The following DPP6 variants were observed in gnomAD, a reference collection of about 807,000 sequenced individuals.
The protein encoded by DPP6 is A-type potassium channel modulatory protein DPP6.
DPP6 carries 69 observed loss-of-function variants against 122.6 expected under a neutral mutation model. The observed-to-expected ratio is 0.56, with a 90% CI of 0.46 to 0.69. DPP6 has a LOEUF of 0.69. Among genes scored for constraint, DPP6 ranks in the 30% least tolerant of loss-of-function variants. The pLI, the probability that DPP6 is intolerant of heterozygous loss-of-function variation, is 0.00. For missense variants in DPP6, 928 were observed against 1,116.9 expected (o/e 0.83, Z 2.41); for synonymous variants, 418 against 433.1 (o/e 0.97, Z 0.43).
At chr7:154,778,996 CA>C (rs1796796991) in intron 10 of DPP6, among the ~76,000 whole-genome samples, 5 of 77,004 alleles carry the variant, frequency 6.5e-5, no homozygotes, top group South Asian at 4.8e-4. Context: ...ATCACCTCCA[CA>C]ACCTCCACCA....
intron 1 of DPP6, among the ~76,000 whole-genome samples, chr7:154,006,338 G>A (rs949555939): frequency 7.2e-5 from 11 of 151,774 alleles, no homozygotes; most frequent in African/African-American, 2.4e-4. Flanking sequence ...CTATCTGCTC[G>A]CATTGAGATG....
Position 154,883,349 on chromosome 7 carries a change from TAC to T in DPP6, c.2134-2276_2134-2275del, listed in dbSNP as rs1307809851. Among the ~76,000 whole-genome samples, 45 of 109,928 alleles carry T rather than the reference TAC, an allele frequency of 4.1e-4. 1 individual carries two copies. Among genetic ancestry groups the T allele is most frequent in the African/African-American group, 1.5e-3 (43 of 27,902 alleles). 72.1% of individuals were successfully genotyped at this position (109,928 alleles called of 152,430 possible). ...ACACATGGTGTCACACACACGCTCA[TAC>T]ACACACATGCTCACACACACGATTA... is the stretch of plus-strand genomic sequence containing the variant. On this transcript the variant is annotated intron_variant, in intron 21 of 25. Coordinates refer to ENST00000377770, the MANE Select transcript of DPP6 (RefSeq NM_130797.4).
chr7:154,476,719 C>A (rs1029317142), intron 3 of DPP6, among the ~76,000 whole-genome samples: 7 of 152,196 alleles, frequency 4.6e-5, no homozygotes, highest in Non-Finnish European at 2.9e-5. Context: ...TTGCTAAACC[C>A]TGGTTGGGGG....
In DPP6 at chr7:154,821,677, TACAC is replaced by T. The variant is rs57452803; in HGVS notation, c.1666+14571_1666+14574del. 0.02 allele frequency among the ~76,000 whole-genome samples: 2,703 copies of T among 133,684 alleles called. 92 individuals are homozygous for T. The highest frequency in any genetic ancestry group is 0.076 in the African/African-American group (2,555 of 33,448). 87.7% of individuals were successfully genotyped at this position (133,684 alleles called of 152,430 possible). A position where few individuals can be genotyped will look rare whatever the true frequency, so the allele number is the denominator to read the frequency against. On this transcript the variant is annotated intron_variant, in intron 16 of 25. Transcript: ENST00000377770. This position sits in a 1 kb window ranked among gnomAD's most constrained non-coding sequence, Gnocchi z 4.2. ...ATATATATATATACACATATATATATACACACACATATATATATACACACACACA... is the reference window on the plus strand; with the variant it reads ...ATATATATATATACACATATATATATACACATATATATATACACACACACA...
chr7:154,643,559 C>A (rs549626871), intron 6 of DPP6, among the ~76,000 whole-genome samples: 1 of 151,828 alleles, frequency 6.6e-6, no homozygotes, highest in African/African-American at 2.4e-5. Flanking sequence ...ACCTCCGCCC[C>A]CCAGGTTCAA....
At chr7:154,355,839 A>G (rs1811230123) in intron 1 of DPP6, among the ~76,000 whole-genome samples, 1 of 152,186 alleles carries the variant, frequency 6.6e-6, no homozygotes, top group Non-Finnish European at 1.5e-5. Flanking sequence ...TTTCATTAAA[A>G]TTTTAGAATC....
At chr7:154,829,908 T>C (rs1239172274) in intron 16 of DPP6, among the ~76,000 whole-genome samples, 1 of 152,186 alleles carries the variant, frequency 6.6e-6, no homozygotes, top group African/African-American at 2.4e-5. Context: ...CCTGTGATGC[T>C]GGTGCACAGA....
the DPP6 span, among the ~76,000 whole-genome samples, chr7:153,850,789 T>C: frequency 6.6e-6 from 1 of 152,098 alleles, no homozygotes; most frequent in African/African-American, 2.4e-5. Flanking sequence ...AAGAAGAGTA[T>C]GGGGGAAACT....
At chr7:153,837,101 G>C in the DPP6 span, among the ~76,000 whole-genome samples, 1 of 152,180 alleles carries the variant, frequency 6.6e-6, no homozygotes, top group Non-Finnish European at 1.5e-5. Flanking sequence ...GGGATTCATA[G>C]AGTTTCTTTT....
At chr7:154,133,161 A>G (rs1235966613) in intron 1 of DPP6, among the ~76,000 whole-genome samples, 1 of 152,218 alleles carries the variant, frequency 6.6e-6, no homozygotes, top group Non-Finnish European at 1.5e-5. Context: ...AAAATAAGTC[A>G]TGTTATTATA....
At chr7:153,750,349 T>C in the DPP6 span, among the ~76,000 whole-genome samples, 2 of 149,324 alleles carry the variant, frequency 1.3e-5, no homozygotes, top group Admixed American at 1.3e-4. Context: ...AAATGTATTT[T>C]AATACAGAGT....
At chr7:153,942,658 C>T (rs1470698257) in intron 1 of DPP6, among the ~76,000 whole-genome samples, 1 of 152,190 alleles carries the variant, frequency 6.6e-6, no homozygotes, top group Non-Finnish European at 1.5e-5. Context: ...ACATCTAGGC[C>T]TGTCTGTGTG....
chr7:154,709,891 A>G (rs1422643025), intron 7 of DPP6, among the ~76,000 whole-genome samples: 1 of 152,198 alleles, frequency 6.6e-6, no homozygotes, highest in Non-Finnish European at 1.5e-5. Context: ...AGGTTGGCCT[A>G]TGTCAGGGGC....
At chr7:154,565,457 C>T (rs186871762) in intron 4 of DPP6, among the ~76,000 whole-genome samples, 1 of 152,304 alleles carries the variant, frequency 6.6e-6, no homozygotes, top group Non-Finnish European at 1.5e-5. Context: ...AACCCAAGTC[C>T]TTGGAGTCAT....
At chr7:153,944,691 C>G (rs1585069104) in intron 1 of DPP6, among the ~76,000 whole-genome samples, 1 of 60,782 alleles carries the variant, frequency 1.6e-5, no homozygotes, top group Non-Finnish European at 3.4e-5. Flanking sequence ...TTTTTTGAGA[C>G]AGAATTTCGG....
the DPP6 span, among the ~76,000 whole-genome samples, chr7:153,843,194 A>G: frequency 6.6e-6 from 1 of 151,226 alleles, no homozygotes; most frequent in South Asian, 2.1e-4. Flanking sequence ...ACACGCGTGC[A>G]TACACACACG....
intron 2 of DPP6, among the ~76,000 whole-genome samples, chr7:154,447,657 T>C (rs1352081136): frequency 1.3e-5 from 2 of 151,870 alleles, no homozygotes; most frequent in Non-Finnish European, 2.9e-5. Flanking sequence ...CTTATGAAAA[T>C]AGATATAAAA....
chr7:154,079,616 T>C (rs1803845578), intron 1 of DPP6, among the ~76,000 whole-genome samples: 1 of 151,998 alleles, frequency 6.6e-6, no homozygotes, highest in Non-Finnish European at 1.5e-5. Flanking sequence ...GAAAACAGAC[T>C]GGTGGGCCAG....
intron 5 of DPP6, among the ~76,000 whole-genome samples, chr7:154,595,423 ATC>A (rs1407560056): frequency 6.6e-6 from 1 of 152,104 alleles, no homozygotes; most frequent in Non-Finnish European, 1.5e-5. Context: ...CCATTTTGCC[ATC>A]TCTCAAGCCA....
Sources: gnomAD v4.1 joint callset for allele counts (sites outside exome capture counted in the v4.1 genomes callset) on GRCh38, gnomAD v4.1.1 for gene constraint, Gnocchi (gnomAD v3.1) non-coding constraint, MANE v1.5 for transcripts, NCBI Gene and HGNC (gene_info 2026-07-23, HGNC 2026-07-21) for gene names.